The following NELL1 variants were observed in gnomAD, a reference collection of about 807,000 sequenced individuals.
The protein encoded by NELL1 is protein kinase C-binding protein NELL1.
NELL1 carries 76 observed loss-of-function variants against 107.4 expected under a neutral mutation model. The ratio of observed to expected loss-of-function variants is 0.71; its 90% CI spans 0.59 to 0.86. The LOEUF (loss-of-function observed/expected upper bound fraction) is 0.86. NELL1 is among the 40% of genes least tolerant of loss of function. The pLI, the probability that NELL1 is intolerant of heterozygous loss-of-function variation, is 0.00. For missense variants in NELL1, 1,024 were observed against 1,005.5 expected, an observed-to-expected ratio of 1.02 and a Z score of -0.25; for synonymous variants, 353 against 341.2, an observed-to-expected ratio of 1.03 and a Z score of -0.38.
intron 15 of NELL1, among the ~76,000 whole-genome samples, chr11:21,498,604 T>C (rs1290770113): frequency 2.6e-5 from 4 of 151,998 alleles, no homozygotes; most frequent in African/African-American, 9.6e-5. Flanking sequence ...ACAAATAATG[T>C]CTCAATTAAT....
chr11:21,126,710 C>T (rs1378145151), intron 13 of NELL1, among the ~76,000 whole-genome samples: 1 of 152,186 alleles, frequency 6.6e-6, no homozygotes, highest in African/African-American at 2.4e-5. Flanking sequence ...AAAAGAATAA[C>T]AGGGCACCTT....
intron 14 of NELL1, among the ~76,000 whole-genome samples, chr11:21,357,412 G>C (rs766396013): frequency 2.0e-5 from 3 of 152,150 alleles, no homozygotes; most frequent in Non-Finnish European, 4.4e-5. Flanking sequence ...TAGTGATGTT[G>C]AGAATTTTTT....
chr11:21,193,911 C>T (rs957152158), intron 13 of NELL1, among the ~76,000 whole-genome samples: 1 of 151,802 alleles, frequency 6.6e-6, no homozygotes, highest in Non-Finnish European at 1.5e-5. Context: ...TTGTAGATTT[C>T]AGAGGATTCG....
At chr11:21,218,382 T>C (rs937330889) in intron 13 of NELL1, among the ~76,000 whole-genome samples, 4 of 152,176 alleles carry the variant, frequency 2.6e-5, no homozygotes, top group African/African-American at 9.6e-5. Context: ...AGTGTACATA[T>C]TTATAAGATA....
At chr11:21,301,044 C>T (rs370602803) in intron 14 of NELL1, among the ~76,000 whole-genome samples, 1 of 152,094 alleles carries the variant, frequency 6.6e-6, no homozygotes, top group Non-Finnish European at 1.5e-5. Flanking sequence ...TGGTTTCCAG[C>T]TTCATCCACG....
intron 2 of NELL1, among the ~76,000 whole-genome samples, chr11:20,680,168 T>A (rs1854155161): frequency 6.6e-6 from 1 of 152,146 alleles, no homozygotes; most frequent in Admixed American, 6.5e-5. Context: ...AGTAACTTAA[T>A]CACATCTGCA....
Position 20,988,249 on chromosome 11 carries a change from T to G in NELL1, c.1300+27689T>G, listed in dbSNP as rs540731823. Among the ~76,000 whole-genome samples the G allele has an allele frequency of 6.6e-5, 10 of 152,242 alleles. No individual in the cohort carries two copies. In the East Asian group the frequency reaches 1.9e-3, roughly 29 times the overall value. On this transcript the variant is annotated intron_variant, in intron 12 of 19. Transcript: ENST00000357134. ...AGCCCTTCTTCTGGGTAGAAGTTCA[T>G]CATCTGAATCAGAATTGAATGACCT...
intron 13 of NELL1, among the ~76,000 whole-genome samples, chr11:21,196,456 T>C (rs1178699765): frequency 6.6e-6 from 1 of 152,150 alleles, no homozygotes; most frequent in Non-Finnish European, 1.5e-5. Flanking sequence ...AGCCTTTGTC[T>C]TGGCATTCCT....
chr11:21,202,213 C>T (rs925764424), intron 13 of NELL1, among the ~76,000 whole-genome samples: 2 of 152,204 alleles, frequency 1.3e-5, no homozygotes, highest in East Asian at 1.9e-4. Flanking sequence ...ACCAGCTCCT[C>T]TTTGTACCTC....
chr11:21,002,569 G>T (rs1443229412), intron 12 of NELL1, among the ~76,000 whole-genome samples: 3 of 152,140 alleles, frequency 2.0e-5, no homozygotes, highest in African/African-American at 7.2e-5. Context: ...AGCCAGAAAA[G>T]TCTCCATGGG....
At chr11:20,847,481 A>G (rs1388941124) in intron 3 of NELL1, 102 bp from the exon 4 acceptor site, 16 of 1,236,662 alleles carry the variant, frequency 1.3e-5, no homozygotes, top group African/African-American at 3.1e-5. Flanking sequence ...TGTTTAGCTA[A>G]TTTTAGATTG....
At chr11:20,680,072 T>G (rs1460220738) in intron 2 of NELL1, among the ~76,000 whole-genome samples, 1 of 152,158 alleles carries the variant, frequency 6.6e-6, no homozygotes, top group Non-Finnish European at 1.5e-5. Flanking sequence ...TATGGAACTT[T>G]GACAGAGAAG....
rs148939270 is a variant in NELL1, at chr11:21,364,657, T to C, written c.1550-6196T>C. Among the ~76,000 whole-genome samples, 550 of 152,268 alleles carry C rather than the reference T, an allele frequency of 3.6e-3. 5 individuals carry two copies. The highest frequency in any genetic ancestry group is 0.013 in the African/African-American group (522 of 41,552). ...TTCTGTTTATATGTGCATATAAAGG[T>C]CTTTAATAAAAATTTTATTTCATAT... On this transcript the variant is annotated intron_variant, in intron 14 of 19. Coordinates refer to ENST00000357134, the MANE Select transcript of NELL1 (RefSeq NM_006157.5).
intron 14 of NELL1, among the ~76,000 whole-genome samples, chr11:21,305,596 A>G (rs1174586187): frequency 1.3e-5 from 2 of 151,952 alleles, no homozygotes; most frequent in Non-Finnish European, 1.5e-5. Context: ...GTGAATGAAC[A>G]GAGGCTACCA....
intron 12 of NELL1, among the ~76,000 whole-genome samples, chr11:20,962,434 A>G (rs1851308825): frequency 6.6e-6 from 1 of 152,188 alleles, no homozygotes; most frequent in Non-Finnish European, 1.5e-5. Flanking sequence ...AGAAACCTCA[A>G]AAACAATGTG....
rs1852302639 is a variant in NELL1, at chr11:21,409,027, T to C, written c.1645+38079T>C. On this transcript the variant is annotated intron_variant, in intron 15 of 19. Transcript: ENST00000357134. ...CCATTGTGGAAGTCAGTGTGGCGAT[T>C]CCTCAGGGATCTAGAACTAGAAATA... is the stretch of plus-strand genomic sequence containing the variant. Among the ~76,000 whole-genome samples the C allele has an allele frequency of 1.3e-5, 2 of 152,026 alleles. 1 individual carries two copies. The highest frequency in any genetic ancestry group is 4.8e-5 in the African/African-American group (2 of 41,392).
chr11:21,433,419 G>A (rs1346371625), intron 15 of NELL1, among the ~76,000 whole-genome samples: 2 of 152,108 alleles, frequency 1.3e-5, no homozygotes, highest in African/African-American at 4.8e-5. Flanking sequence ...TGGGTCATAG[G>A]TAGTTTTATT....
At chr11:20,804,299 G>C (rs984343513) in intron 3 of NELL1, among the ~76,000 whole-genome samples, 2 of 152,090 alleles carry the variant, frequency 1.3e-5, no homozygotes, top group African/African-American at 4.8e-5. Flanking sequence ...GCAGTGGTGC[G>C]ATTTCAGCTC....
chr11:20,781,007 C>A (rs1362216500), intron 2 of NELL1, among the ~76,000 whole-genome samples: 1 of 152,056 alleles, frequency 6.6e-6, no homozygotes, highest in Non-Finnish European at 1.5e-5. Context: ...TGAAATGACT[C>A]GGACTTAGGG....
Sources: allele counts gnomAD v4.1 joint callset (sites outside exome capture counted in the v4.1 genomes callset), GRCh38; gene constraint gnomAD v4.1.1; transcripts MANE v1.5; gene names NCBI Gene and HGNC (gene_info 2026-07-23, HGNC 2026-07-21).